Variants in B9D1 observed in about 807,000 individuals in gnomAD.
B9D1 encodes B9 domain-containing protein 1.
Under a neutral mutation model 26.1 loss-of-function variants are expected in B9D1, and 20 were observed. The ratio of observed to expected loss-of-function variants is 0.77; its 90% CI spans 0.54 to 1.12. The LOEUF (loss-of-function observed/expected upper bound fraction) is 1.12, where lower values mean the gene tolerates loss of function less well. Among genes scored for constraint, B9D1 ranks in the 50% most tolerant of loss-of-function variants. B9D1 has a pLI of 0.00. For synonymous variants in B9D1, 105 were observed against 103.1 expected, an observed-to-expected ratio of 1.02 and a Z score of -0.11; for missense variants, 260 against 273.7, an observed-to-expected ratio of 0.95 and a Z score of 0.35.
downstream of B9D1, among the ~76,000 whole-genome samples, chr17:19,340,747 C>T (rs1170989476): frequency 6.8e-6 from 1 of 146,764 alleles, no homozygotes; most frequent in African/African-American, 2.5e-5. Context: ...CAGGACCGTG[C>T]CACTGCATTC....
upstream of B9D1, chr17:19,362,730 G>T: frequency 3.3e-6 from 5 of 1,523,240 alleles, no homozygotes; most frequent in South Asian, 3.6e-5. Flanking sequence ...ATGCGCAGGC[G>T]CAGTGAACGG....
downstream of B9D1, chr17:19,341,295 A>G (rs2152249410): frequency 5.7e-6 from 7 of 1,232,098 alleles, no homozygotes; most frequent in East Asian, 3.2e-5. Flanking sequence ...GGCCATGGAC[A>G]GAGAAGACAG....
At chr17:19,343,933 C>T (rs766238408) in intron 5 of B9D1, 76 bp from the exon 6 acceptor site, 6 of 1,601,048 alleles carry the variant, frequency 3.7e-6, no homozygotes, top group Admixed American at 1.7e-5. Flanking sequence ...TGGATGTGGG[C>T]TCTCCTCGGT....
At chr17:19,349,246 C>T (rs1183177736) in intron 3 of B9D1, among the ~76,000 whole-genome samples, 2 of 152,146 alleles carry the variant, frequency 1.3e-5, no homozygotes, top group Non-Finnish European at 1.5e-5. Context: ...TATTTTCCTT[C>T]ATTTTAGATT....
intron 1 of B9D1, among the ~76,000 whole-genome samples, chr17:19,369,634 G>A (rs933205281): frequency 1.3e-5 from 2 of 152,094 alleles, no homozygotes; most frequent in African/African-American, 4.8e-5. Context: ...AGGCCGAGGA[G>A]CAGGCAGATG....
At position 19,343,450 on chromosome 17, in the gene B9D1, G is replaced by A. The variant is rs1173992065; in HGVS notation, c.484C>T (p.Arg162Cys). Residue 162 changes from arginine (R) to cysteine (C), a missense_variant, in exon 7 of 7, where the codon CGT becomes TGT. Coordinates refer to ENST00000261499, the MANE Select transcript of B9D1 (RefSeq NM_015681.6). ...QGEGREVTRV[R>C]SQGFVTLLFN... Reference sequence around the variant, plus strand: ...AGGAGGGTGACAAAGCCCTGAGAACGGACACGGGTCACTGGGGACAGAAGG... The same window carrying A: ...AGGAGGGTGACAAAGCCCTGAGAACAGACACGGGTCACTGGGGACAGAAGG... 9 of 1,614,054 alleles carry A rather than the reference G, an allele frequency of 5.6e-6. No homozygotes were observed. Among genetic ancestry groups the A allele is most frequent in the Non-Finnish European group, 7.6e-6 (9 of 1,180,014 alleles).
At chr17:19,351,912 G>T (rs1309280291) in intron 3 of B9D1, among the ~76,000 whole-genome samples, 1 of 151,962 alleles carries the variant, frequency 6.6e-6, no homozygotes, top group Non-Finnish European at 1.5e-5. Flanking sequence ...TAGAGATAGG[G>T]TCTAGCGCTG....
upstream of B9D1, among the ~76,000 whole-genome samples, chr17:19,364,102 G>A (rs112079983): frequency 7.4e-3 from 1,128 of 152,254 alleles, 20 homozygotes; most frequent in African/African-American, 0.026. This position sits in a 1 kb window ranked among gnomAD's most constrained non-coding sequence, Gnocchi z 4.3. Context: ...TTTGAGGCTC[G>A]GTGTTGCACA....
intron 3 of B9D1, among the ~76,000 whole-genome samples, chr17:19,354,825 C>A (rs1016560487): frequency 6.6e-6 from 1 of 151,920 alleles, no homozygotes; most frequent in African/African-American, 2.4e-5. Context: ...AAGACTCCGT[C>A]TCGAAAAAAA....
downstream of B9D1, chr17:19,335,414 G>C: frequency 1.3e-6 from 2 of 1,549,940 alleles, no homozygotes; most frequent in Non-Finnish European, 1.7e-6. Flanking sequence ...GGCATGCAGG[G>C]ATTAACAGGA....
chr17:19,376,405 C>T (rs1912101823), intron 1 of B9D1, among the ~76,000 whole-genome samples: 1 of 151,992 alleles, frequency 6.6e-6, no homozygotes, highest in Admixed American at 6.6e-5. Context: ...CAACACTGAC[C>T]TTAAGTCTGA....
At chr17:19,336,059 G>C (rs899229615), downstream of B9D1, 1 of 152,266 alleles carries the variant, frequency 6.6e-6, no homozygotes, top group African/African-American at 2.4e-5. Context: ...ATGGTCTCTG[G>C]GCTGCTGGGA....
At chr17:19,343,490 G>A (rs1211253635) in intron 6 of B9D1, 29 bp from the exon 7 acceptor site, 2 of 1,614,014 alleles carry the variant, frequency 1.2e-6, no homozygotes, top group Non-Finnish European at 1.7e-6. Context: ...CATCAGCCAG[G>A]CTGGGCTGGG....
chr17:19,374,360 A>C (rs530001728), intron 1 of B9D1, among the ~76,000 whole-genome samples: 24 of 152,336 alleles, frequency 1.6e-4, no homozygotes, highest in African/African-American at 5.8e-4. Context: ...CAGGATTCTT[A>C]TGGCAAATCT....
Position 19,362,608 on chromosome 17 carries a change from C to A in B9D1, c.-39G>T, listed in dbSNP as rs757225032. The A allele has an allele frequency of 5.1e-6, 8 of 1,576,098 alleles. No homozygotes were observed. The highest frequency in any genetic ancestry group is 6.9e-6 in the Non-Finnish European group (8 of 1,160,388). ...GTGCCGGGGGGACCCACCTAGGCCG[C>A]GCGCGGTTGCTAAGAGACGCCGGCG... On this transcript the variant is annotated 5_prime_UTR_variant, in exon 1 of 7. Transcript: ENST00000261499.
chr17:19,362,913 G>A, upstream of B9D1: 1 of 406,026 alleles, frequency 2.5e-6, no homozygotes, highest in South Asian at 2.1e-5. Flanking sequence ...ACTCTGACTC[G>A]GCCCGGCTCC....
chr17:19,377,259 G>A (rs1037359212), intron 1 of B9D1, among the ~76,000 whole-genome samples: 4 of 152,158 alleles, frequency 2.6e-5, no homozygotes, highest in African/African-American at 7.2e-5. Context: ...TTTTAGGGGC[G>A]ATGAAAATGT....
At position 19,347,996 on chromosome 17, in the gene B9D1, G is replaced by A; in HGVS notation, c.245-116C>T. On this transcript the variant is annotated intron_variant, in intron 3 of 6. Coordinates refer to ENST00000261499, the MANE Select transcript of B9D1 (RefSeq NM_015681.6). This position sits in a 1 kb window ranked among gnomAD's most constrained non-coding sequence, Gnocchi z 4.3. The stretch of plus-strand genomic sequence containing the variant: ...AAAGGATGGAGCTCAAAACTCTGGG[G>A]TGGCAGGCTTGAGAGGGGACAGGAG... 1 of 890,732 alleles carries A rather than the reference G, an allele frequency of 1.1e-6. No individual in the cohort carries two copies. The highest frequency in any genetic ancestry group is 2.6e-5 in the East Asian group (1 of 38,354). 55.2% of individuals were successfully genotyped at this position (890,732 alleles called of 1,614,324 possible).
intron 1 of B9D1, chr17:19,371,345 G>C (rs1459663439): frequency 1.3e-5 from 2 of 152,268 alleles, no homozygotes; most frequent in Non-Finnish European, 2.9e-5. Flanking sequence ...TAAGAGTGTT[G>C]TCTGTGTGTC....
Sources: gnomAD v4.1 joint callset for allele counts (sites outside exome capture counted in the v4.1 genomes callset) on GRCh38, gnomAD v4.1.1 for gene constraint, Gnocchi (gnomAD v3.1) non-coding constraint, MANE v1.5 for transcripts, NCBI Gene and HGNC (gene_info 2026-07-23, HGNC 2026-07-21) for gene names.